Variants in OPRM1 observed in about 807,000 individuals in gnomAD.
OPRM1 encodes the protein mu-type opioid receptor.
Under a neutral mutation model 31.8 loss-of-function variants are expected in OPRM1, and 27 were observed. That is an observed-to-expected ratio of 0.85 (90% CI 0.63 to 1.17). The LOEUF (loss-of-function observed/expected upper bound fraction) is 1.17. Among genes scored for constraint, OPRM1 ranks in the 50% most tolerant of loss-of-function variants. The pLI, the probability that OPRM1 is intolerant of heterozygous loss-of-function variation, is 0.00. For synonymous variants in OPRM1, 196 were observed against 189.9 expected (o/e 1.03, Z -0.26); for missense variants, 536 against 511.1 (o/e 1.05, Z -0.47).
intron 1 of OPRM1, among the ~76,000 whole-genome samples, chr6:154,056,901 C>T (rs1184513647): frequency 2.0e-5 from 3 of 152,166 alleles, no homozygotes; most frequent in African/African-American, 7.2e-5. Flanking sequence ...AAGAAAACCA[C>T]ATGGGCTGAA....
At chr6:154,016,473 T>A (rs551345894) in intron 1 of OPRM1, among the ~76,000 whole-genome samples, 1 of 152,228 alleles carries the variant, frequency 6.6e-6, no homozygotes, top group African/African-American at 2.4e-5. Context: ...TAACAATTTA[T>A]GGAGAAAACA....
chr6:154,067,048 G>C (rs571960949), intron 1 of OPRM1, among the ~76,000 whole-genome samples: 56 of 152,088 alleles, frequency 3.7e-4, no homozygotes, highest in African/African-American at 1.3e-3. Flanking sequence ...GTAGTGATCT[G>C]ATTATTGTCT....
At chr6:154,242,924 G>A (rs1176337185) in intron 3 of OPRM1, among the ~76,000 whole-genome samples, 1 of 152,058 alleles carries the variant, frequency 6.6e-6, no homozygotes, top group Non-Finnish European at 1.5e-5. Flanking sequence ...CACTCAGGCA[G>A]CAGAGAGAGG....
In OPRM1 at chr6:154,090,948, C is replaced by A; in HGVS notation, c.644-4C>A. The A allele has an allele frequency of 6.2e-7, 1 of 1,606,852 alleles. No homozygotes were observed. ...AATTTTTCCTTTAAATTCCTTTCTT[C>A]TAGGTTCCATAGATTGTACACTAAC... is the stretch of plus-strand genomic sequence containing the variant. On this transcript the variant is annotated splice_polypyrimidine_tract_variant and splice_region_variant and intron_variant, in intron 2 of 3. Coordinates refer to ENST00000330432, the MANE Select transcript of OPRM1 (RefSeq NM_000914.5).
At chr6:154,149,204 C>T (rs969098208) in intron 3 of OPRM1, among the ~76,000 whole-genome samples, 11 of 152,076 alleles carry the variant, frequency 7.2e-5, no homozygotes, top group Non-Finnish European at 1.5e-4. Flanking sequence ...GGAAACTTAA[C>T]AATCGTGGTA....
intron 1 of OPRM1, among the ~76,000 whole-genome samples, chr6:154,042,287 A>C (rs1365302864): frequency 6.6e-6 from 1 of 152,228 alleles, no homozygotes; most frequent in Non-Finnish European, 1.5e-5. Flanking sequence ...GAGAACATTT[A>C]ACTGACTGTC....
intron 1 of OPRM1, among the ~76,000 whole-genome samples, chr6:154,063,816 A>G (rs1383159941): frequency 6.6e-6 from 1 of 152,030 alleles, no homozygotes; most frequent in African/African-American, 2.4e-5. Flanking sequence ...TCCATGTTGT[A>G]GTATATGTTA....
chr6:154,113,076 A>G (rs1319527770), intron 3 of OPRM1, among the ~76,000 whole-genome samples: 1 of 152,230 alleles, frequency 6.6e-6, no homozygotes, highest in Non-Finnish European at 1.5e-5. Context: ...GTTGGCTACC[A>G]TACAAATTCT....
At chr6:154,051,093 CTT>C (rs1189764928) in intron 1 of OPRM1, among the ~76,000 whole-genome samples, 1 of 152,092 alleles carries the variant, frequency 6.6e-6, no homozygotes, top group African/African-American at 2.4e-5. Context: ...TATCTGAAGT[CTT>C]ATGCTTTTTT....
At chr6:154,099,798 C>T (rs1207081189) in intron 3 of OPRM1, among the ~76,000 whole-genome samples, 2 of 147,302 alleles carry the variant, frequency 1.4e-5, no homozygotes, top group Non-Finnish European at 3.0e-5. Flanking sequence ...TTCATAAAAA[C>T]ATGAGTTTTC....
rs1054232966 is a variant in OPRM1 at position 154,128,997 on chromosome 6, A to T, written c.*10276A>T. ...CTGTGTTTTATTAATATTTTGAAGT[A>T]TAGGAACCTCATGGTGTAGCAGGAT... is the stretch of plus-strand genomic sequence containing the variant. On this transcript the variant is annotated 3_prime_UTR_variant, in exon 4 of 4. Transcript: ENST00000330432. 6.6e-6 allele frequency among the ~76,000 whole-genome samples: 1 copy of T among 152,210 alleles called. No homozygotes were observed. The highest frequency in any genetic ancestry group is 2.4e-5 in the African/African-American group (1 of 41,450).
At chr6:154,051,303 G>A (rs533543449) in intron 1 of OPRM1, among the ~76,000 whole-genome samples, 6 of 152,302 alleles carry the variant, frequency 3.9e-5, no homozygotes, top group African/African-American at 7.2e-5. Context: ...CTCTAGGACC[G>A]TGAATTAGCC....
intron 3 of OPRM1, chr6:154,222,908 AT>A (rs1392594684): frequency 6.0e-6 from 3 of 499,212 alleles, no homozygotes; most frequent in Non-Finnish European, 1.1e-5. Context: ...GGTTTATTCC[AT>A]CACAGACACA....
intron 3 of OPRM1, among the ~76,000 whole-genome samples, chr6:154,224,161 G>C (rs1779074603): frequency 6.6e-6 from 1 of 152,192 alleles, no homozygotes; most frequent in South Asian, 2.1e-4. Context: ...TGGTTATTGG[G>C]AGATGAGTAA....
At chr6:154,102,764 A>C (rs1470922297) in intron 3 of OPRM1, among the ~76,000 whole-genome samples, 1 of 152,194 alleles carries the variant, frequency 6.6e-6, no homozygotes, top group African/African-American at 2.4e-5. Flanking sequence ...ATTTTGTTCA[A>C]TAGCTGGAGA....
At chr6:154,167,813 C>A in intron 3 of OPRM1, 1 of 806,684 alleles carries the variant, frequency 1.2e-6, no homozygotes, top group Non-Finnish European at 1.9e-6. Context: ...TACAGCCCTT[C>A]CCTGCAACCA....
At chr6:154,075,442 A>G (rs947682054) in intron 1 of OPRM1, among the ~76,000 whole-genome samples, 8 of 148,516 alleles carry the variant, frequency 5.4e-5, no homozygotes, top group Non-Finnish European at 8.9e-5. Context: ...ATAACCAACT[A>G]AAATAAGCAC....
intron 3 of OPRM1, among the ~76,000 whole-genome samples, chr6:154,236,448 G>A (rs1780141213): frequency 6.6e-6 from 1 of 152,138 alleles, no homozygotes; most frequent in African/African-American, 2.4e-5. Context: ...TTTGCAAGAC[G>A]AAAAGAGTTC....
rs1797448459 is a variant in OPRM1, at chr6:154,124,032, C to T, written c.*5311C>T. On this transcript the variant is annotated 3_prime_UTR_variant, in exon 4 of 4. Transcript: ENST00000330432. ...ACCCAGCCTCTATTCAAGATGGAGT[C>T]GCTCTGGTTCAAACACCTCTGACAC... Among the ~76,000 whole-genome samples, 1 of 152,086 alleles carries T rather than the reference C, an allele frequency of 6.6e-6. No homozygotes were observed.
Sources: gnomAD v4.1 joint callset for allele counts (sites outside exome capture counted in the v4.1 genomes callset) on GRCh38, gnomAD v4.1.1 for gene constraint, MANE v1.5 for transcripts, NCBI Gene and HGNC (gene_info 2026-07-23, HGNC 2026-07-21) for gene names.